NFU1: variants seen among roughly 807,000 people sequenced by gnomAD.
NFU1 encodes the protein NFU1 iron-sulfur cluster scaffold homolog, mitochondrial.
Under a neutral mutation model 32.2 loss-of-function variants are expected in NFU1, and 30 were observed. That is an observed-to-expected ratio of 0.93 (90% confidence interval 0.70 to 1.26). The LOEUF (loss-of-function observed/expected upper bound fraction) is 1.26, where lower values mean the gene tolerates loss of function less well. NFU1 is among the 50% of genes most tolerant of loss of function. The pLI is 0.00. For synonymous variants in NFU1, 112 were observed against 104.6 expected, an observed-to-expected ratio of 1.07 and a Z score of -0.43; for missense variants, 306 against 306.6, an observed-to-expected ratio of 1.00 and a Z score of 0.02.
chr2:69,416,734 A>G (rs1357448737), intron 4 of NFU1, among the ~76,000 whole-genome samples: 2 of 152,092 alleles, frequency 1.3e-5, no homozygotes, highest in Non-Finnish European at 2.9e-5. Flanking sequence ...ACCTTTCTCT[A>G]CTAATAATAC....
intron 2 of NFU1, among the ~76,000 whole-genome samples, chr2:69,425,197 A>T (rs934483673): frequency 1.1e-3 from 167 of 151,848 alleles, no homozygotes; most frequent in Non-Finnish European, 3.1e-4. Context: ...TTTTAAAAAA[A>T]ATCTGTGGAG....
chr2:69,419,690 A>T lies in NFU1; in HGVS notation c.303-86T>A, dbSNP rs1327128873. The T allele has an allele frequency of 3.8e-6, 3 of 780,276 alleles. No homozygotes were observed. In the African/African-American group the frequency reaches 5.2e-5, roughly 14 times the overall value. 48.3% of individuals were successfully genotyped at this position (780,276 alleles called of 1,614,324 possible). A position where few individuals can be genotyped will look rare whatever the true frequency, so the allele number is the denominator to read the frequency against. ...ACACAAAAGTAGAGAAAAGTAAAAA[A>T]TTCTCCACATATCCTTTGCAGCTTT... On this transcript the variant is annotated intron_variant, in intron 3 of 7. Transcript: ENST00000410022.
chr2:69,435,556 A>G (rs1474436555), intron 1 of NFU1, among the ~76,000 whole-genome samples: 1 of 152,190 alleles, frequency 6.6e-6, no homozygotes, highest in Non-Finnish European at 1.5e-5. Flanking sequence ...TTGATAAGCA[A>G]AAGACTACTG....
At chr2:69,428,715 C>G (rs1673544937) in intron 2 of NFU1, among the ~76,000 whole-genome samples, 1 of 152,196 alleles carries the variant, frequency 6.6e-6, no homozygotes, top group Non-Finnish European at 1.5e-5. Flanking sequence ...TAAGATCAAT[C>G]TTCCTGTCCT....
At position 69,429,145 on chromosome 2, in the gene NFU1, T is replaced by C. The variant is rs75859186; in HGVS notation, c.166+2757A>G. ...TTCAATGACACATTAAAGAAAGGGC[T>C]GCCAACACTTTCTGTAAATAATCTT... On this transcript the variant is annotated intron_variant, in intron 2 of 7. Coordinates refer to ENST00000410022, the MANE Select transcript of NFU1 (RefSeq NM_001002755.4). Among the ~76,000 whole-genome samples the C allele has an allele frequency of 2.5e-3, 383 of 152,356 alleles. 10 individuals are homozygous for C. The highest frequency in any genetic ancestry group is 0.02 in the East Asian group (104 of 5,192).
At chr2:69,415,576 A>G (rs1015544793) in intron 4 of NFU1, among the ~76,000 whole-genome samples, 9 of 152,170 alleles carry the variant, frequency 5.9e-5, no homozygotes, top group Admixed American at 2.0e-4. Flanking sequence ...TCCTATAATG[A>G]AATACTCTCC....
At chr2:69,419,336 GAA>G (rs908393016) in intron 4 of NFU1, among the ~76,000 whole-genome samples, 200 bp downstream of exon 4, 1 of 151,744 alleles carries the variant, frequency 6.6e-6, no homozygotes, top group Non-Finnish European at 1.5e-5. Flanking sequence ...TCAAAAAAAA[GAA>G]AAAGAAAAGA....
intron 2 of NFU1, among the ~76,000 whole-genome samples, chr2:69,425,126 C>A (rs1311825018): frequency 6.6e-6 from 1 of 151,932 alleles, no homozygotes; most frequent in Non-Finnish European, 1.5e-5. Flanking sequence ...GATCTGCCCG[C>A]CTCGGCCTCA....
chr2:69,436,149 T>TAGGC, intron 1 of NFU1, among the ~76,000 whole-genome samples: 1 of 152,334 alleles, frequency 6.6e-6, no homozygotes, highest in East Asian at 1.9e-4. Flanking sequence ...GAAACTATCT[T>TAGGC]CATTTCTAGC....
upstream of NFU1, among the ~76,000 whole-genome samples, chr2:69,439,561 G>A (rs1031104182): frequency 7.2e-5 from 11 of 152,200 alleles, no homozygotes; most frequent in Admixed American, 3.9e-4. Context: ...GACCCAAGCA[G>A]GTTGCCACTG....
chr2:69,402,802 C>T (rs750211071), intron 6 of NFU1, among the ~76,000 whole-genome samples: 1 of 151,712 alleles, frequency 6.6e-6, no homozygotes, highest in East Asian at 1.9e-4. Flanking sequence ...AGGGTGGTCT[C>T]GAACTCCCAA....
At position 69,413,880 on chromosome 2, in the gene NFU1, C is replaced by G. The variant is rs570103049; in HGVS notation, c.484+1305G>C. ...TGGCCAACATGGTTAAACTCTGTCT[C>G]TACTAAAAATACAAAAATTACCCAG... On this transcript the variant is annotated intron_variant, in intron 5 of 7. Coordinates refer to ENST00000410022, the MANE Select transcript of NFU1 (RefSeq NM_001002755.4). 4.7e-4 allele frequency among the ~76,000 whole-genome samples: 71 copies of G among 152,178 alleles called. 1 individual carries two copies. Among genetic ancestry groups the G allele is most frequent in the African/African-American group, 1.7e-3 (69 of 41,522 alleles).
At chr2:69,431,049 C>T (rs1475438795) in intron 2 of NFU1, among the ~76,000 whole-genome samples, 1 of 152,178 alleles carries the variant, frequency 6.6e-6, no homozygotes, top group Non-Finnish European at 1.5e-5. Context: ...TATTTTAAAT[C>T]ATATCTATTT....
chr2:69,415,321 T>C (rs1673014613), intron 4 of NFU1, 22 bp from the exon 5 acceptor site: 1 of 1,442,580 alleles, frequency 6.9e-7, no homozygotes, highest in East Asian at 2.3e-5. Flanking sequence ...TAAAGGAAAA[T>C]GCTGTATTTC....
intron 6 of NFU1, among the ~76,000 whole-genome samples, chr2:69,403,440 G>C (rs1327650472): frequency 1.3e-5 from 2 of 151,376 alleles, no homozygotes; most frequent in African/African-American, 2.4e-5. Context: ...TCCTTGACCA[G>C]AGTGCAATGG....
chr2:69,437,453 A>G (rs1381254424), upstream of NFU1: 1 of 1,605,966 alleles, frequency 6.2e-7, no homozygotes, highest in Admixed American at 1.7e-5. Flanking sequence ...GGTCTCCCTG[A>G]CAGAACCACG....
At chr2:69,425,794 T>G (rs1011364480) in intron 2 of NFU1, among the ~76,000 whole-genome samples, 13 of 151,874 alleles carry the variant, frequency 8.6e-5, no homozygotes, top group Non-Finnish European at 1.9e-4. Context: ...CCCAGGTGCT[T>G]TACATGTATT....
At chr2:69,429,980 G>T in intron 2 of NFU1, 1 of 328,636 alleles carries the variant, frequency 3.0e-6, no homozygotes, top group Non-Finnish European at 6.0e-6. Context: ...AGTGAGCCAA[G>T]ATCACATCAC....
upstream of NFU1, chr2:69,437,458 A>C: frequency 6.2e-7 from 1 of 1,603,372 alleles, no homozygotes; most frequent in Non-Finnish European, 8.5e-7. Context: ...CCCTGACAGA[A>C]CCACGAAAGA....
Sources: gnomAD v4.1 joint callset for allele counts (sites outside exome capture counted in the v4.1 genomes callset) on GRCh38, gnomAD v4.1.1 for gene constraint, MANE v1.5 for transcripts, NCBI Gene and HGNC (gene_info 2026-07-23, HGNC 2026-07-21) for gene names.